Variants in CPAMD8 observed in about 807,000 individuals in gnomAD.
The protein encoded by CPAMD8 is C3 and PZP like alpha-2-macroglobulin domain containing 8, also known as C3 and PZP-like alpha-2-macroglobulin domain-containing protein 8.
CPAMD8 carries 146 observed loss-of-function variants against 224.7 expected under a neutral mutation model. That is an observed-to-expected ratio of 0.65 (90% CI 0.57 to 0.75). The LOEUF is 0.75. Ranked by LOEUF, CPAMD8 falls within the 30% of genes least tolerant of loss-of-function variation. The pLI is 0.00. For missense variants in CPAMD8, 2,301 were observed against 2,537.5 expected, an observed-to-expected ratio of 0.91 and a Z score of 2.00; for synonymous variants, 966 against 1,044.6, an observed-to-expected ratio of 0.92 and a Z score of 1.45.
rs745618653 is a variant in CPAMD8, at chr19:16,907,016, G to T, written c.3963C>A (p.Thr1321=). ...CAGGGGCTGCCGGGCTGCGGAGCAG[G>T]GTCAGCGCGTAGGTAGTCAGGGCAC... The part of the protein sequence containing the change: ...YSCALTTYAL[T]LLRSPAAPEA... The change falls in exon 30 of 42, where the codon ACC becomes ACA. Residue 1321 remains threonine (T), a synonymous_variant. Transcript: ENST00000443236. The T allele has an allele frequency of 3.7e-6, 6 of 1,607,592 alleles. No homozygotes were observed. The highest frequency in any genetic ancestry group is 5.1e-6 in the Non-Finnish European group (6 of 1,178,164).
Position 16,898,561 on chromosome 19 carries a change from A to G in CPAMD8, c.4849-567T>C, listed in dbSNP as rs2227371. 0.21 allele frequency among the ~76,000 whole-genome samples: 31,331 copies of G among 151,894 alleles called. 3,260 individuals carry two copies. Among genetic ancestry groups the G allele is most frequent in the South Asian group, 0.28 (1,329 of 4,804 alleles). Reference sequence around the variant, plus strand: ...AATCATCACCTCTGTCTAGTTACAGAACGGTTTCTTTCTCCCCCAAAGAAA... The same window carrying G: ...AATCATCACCTCTGTCTAGTTACAGGACGGTTTCTTTCTCCCCCAAAGAAA... On this transcript the variant is annotated intron_variant, in intron 37 of 41. Coordinates refer to ENST00000443236, the MANE Select transcript of CPAMD8 (RefSeq NM_015692.5). This position sits in a 1 kb window ranked among gnomAD's most constrained non-coding sequence, Gnocchi z 4.2.
intron 7 of CPAMD8, among the ~76,000 whole-genome samples, chr19:17,004,896 C>T (rs11086049): frequency 0.19 from 28,388 of 150,370 alleles, 3,122 homozygotes; most frequent in African/African-American, 0.31. Context: ...CCCCCAGATA[C>T]TGCCAATATC....
intron 3 of CPAMD8, among the ~76,000 whole-genome samples, chr19:17,019,170 CTGGAG>C: frequency 6.6e-6 from 1 of 152,258 alleles, no homozygotes; most frequent in Admixed American, 6.5e-5. Flanking sequence ...GTTGCCCAGG[CTGGAG>C]TGAAGTGGTG....
rs1281351460 is a variant in CPAMD8, at chr19:16,914,430, G to A, written c.3855C>T (p.Ala1285=). ...AAACCCCTTCTGTACTCACCTCTGA[G>A]GCTGTGCCTGTTTCCAGGAGAGCAA... ...VVVALLETGT[A]SEEERGSTDK... is the part of the protein sequence containing the mutation. Residue 1285 remains alanine (A), a synonymous_variant, in exon 29 of 42, where the codon GCC becomes GCT. Coordinates refer to ENST00000443236, the MANE Select transcript of CPAMD8 (RefSeq NM_015692.5). The A allele has an allele frequency of 2.5e-6, 4 of 1,614,026 alleles. No individual in the cohort carries two copies. The African/African-American group carries it at 5.3e-5, about 22-fold the overall frequency.
chr19:16,913,994 A>G (rs1336050993), intron 29 of CPAMD8, among the ~76,000 whole-genome samples: 2 of 152,122 alleles, frequency 1.3e-5, no homozygotes, highest in African/African-American at 4.8e-5. Flanking sequence ...AGCCCCATCC[A>G]GTACCAACTG....
chr19:16,907,307 C>CTTTTTTTTTT (rs71334641), intron 29 of CPAMD8, among the ~76,000 whole-genome samples, 190 bp from the exon 30 acceptor site: 6 of 81,078 alleles, frequency 7.4e-5, no homozygotes, highest in Non-Finnish European at 1.3e-4. Context: ...TCTTTCTTGC[C>CTTTTTTTTTT]TTTTTTTTTT....
intron 18 of CPAMD8, among the ~76,000 whole-genome samples, chr19:16,968,308 G>A (rs193014951): frequency 9.2e-5 from 14 of 152,244 alleles, no homozygotes; most frequent in Non-Finnish European, 1.5e-4. Flanking sequence ...CCTGCTAAAC[G>A]TGTGGCCCCA....
chr19:16,897,535 A>C, intron 39 of CPAMD8, 156 bp downstream of exon 39: 1 of 563,532 alleles, frequency 1.8e-6, no homozygotes, highest in Non-Finnish European at 3.1e-6. Context: ...TCCCCCGTAC[A>C]GGCAGAGCGC....
chr19:16,988,628 A>G (rs1007696489), intron 13 of CPAMD8, among the ~76,000 whole-genome samples: 1 of 152,082 alleles, frequency 6.6e-6, no homozygotes, highest in Non-Finnish European at 1.5e-5. Flanking sequence ...AACAAAAAAA[A>G]AAAGAAAGAA....
chr19:16,906,358 C>G (rs2052487355), intron 30 of CPAMD8, among the ~76,000 whole-genome samples: 1 of 37,586 alleles, frequency 2.7e-5, no homozygotes, highest in African/African-American at 9.4e-5. Flanking sequence ...TTCTTTCTTT[C>G]TTTCTTTCTT....
At chr19:16,902,601 C>T (rs1378268295) in intron 35 of CPAMD8, 48 bp downstream of exon 35, 4 of 1,243,416 alleles carry the variant, frequency 3.2e-6, no homozygotes, top group African/African-American at 1.5e-5. Flanking sequence ...CCTCTCCGCA[C>T]ATTGCACCCT....
chr19:16,910,093 C>A (rs981944119), intron 29 of CPAMD8, among the ~76,000 whole-genome samples: 1 of 152,032 alleles, frequency 6.6e-6, no homozygotes, highest in Non-Finnish European at 1.5e-5. Context: ...CCCATGTGAT[C>A]CACCTGCCTC....
In CPAMD8 at chr19:16,913,974, G is replaced by A. The variant is rs374186128; in HGVS notation, c.3861+450C>T. ...AGAGACTATGGCCCTCAAGTCTCTT[G>A]GGCCATCTAAGCCCCATCCAGTACC... On this transcript the variant is annotated intron_variant, in intron 29 of 41. Coordinates refer to ENST00000443236, the MANE Select transcript of CPAMD8 (RefSeq NM_015692.5). Among the ~76,000 whole-genome samples the A allele has an allele frequency of 5.8e-4, 88 of 152,142 alleles. 3 individuals carry two copies. In the South Asian group the frequency reaches 0.014, roughly 24 times the overall value.
intron 23 of CPAMD8, among the ~76,000 whole-genome samples, chr19:16,929,872 A>C (rs2053494413): frequency 6.6e-6 from 1 of 152,208 alleles, no homozygotes; most frequent in Admixed American, 6.5e-5. Flanking sequence ...GTTCTTCCCC[A>C]GATGGTTCTA....
intron 2 of CPAMD8, among the ~76,000 whole-genome samples, chr19:17,021,763 T>C (rs2123260974): frequency 6.6e-6 from 1 of 152,130 alleles, no homozygotes; most frequent in East Asian, 1.9e-4. Context: ...CACAGGTGGG[T>C]GCCCGTGCTC....
intron 16 of CPAMD8, among the ~76,000 whole-genome samples, chr19:16,975,524 T>C (rs1411434547): frequency 6.6e-6 from 1 of 151,926 alleles, no homozygotes; most frequent in Non-Finnish European, 1.5e-5. Flanking sequence ...CTGGGCAACA[T>C]AGCAAGACCC....
At chr19:16,990,622 T>C (rs1346444909) in intron 12 of CPAMD8, among the ~76,000 whole-genome samples, 2 of 151,904 alleles carry the variant, frequency 1.3e-5, no homozygotes, top group African/African-American at 4.8e-5. Context: ...CCCACCACTT[T>C]GGGAGGCCAA....
chr19:16,969,588 A>T (rs1313607992), intron 18 of CPAMD8, among the ~76,000 whole-genome samples: 1 of 152,150 alleles, frequency 6.6e-6, no homozygotes, highest in Non-Finnish European at 1.5e-5. Flanking sequence ...CCCTTATAAA[A>T]GGGACTCTAG....
Position 16,896,631 on chromosome 19 carries a change from G to A in CPAMD8, c.5100C>T (p.Ala1700=). The change falls in exon 40 of 42, where the codon GCC becomes GCT. Residue 1700 remains alanine, a synonymous_variant. Transcript: ENST00000443236. The part of the protein sequence containing the change: ...WFPGESGPAV[A]PEEGAAIARC... ...GCGCGATCGCCGCCCCCTCCTCAGGGGCCACGGCAGGGCCCGACTCGCCGG... is the reference window on the plus strand; with the variant it reads ...GCGCGATCGCCGCCCCCTCCTCAGGAGCCACGGCAGGGCCCGACTCGCCGG... 6.7e-7 allele frequency: 1 copy of A among 1,494,988 alleles called. No individual in the cohort carries two copies. The highest frequency in any genetic ancestry group is 2.1e-5 in the Admixed American group (1 of 47,192). The allele number at this position is 1,494,988 out of a possible 1,614,324, so 92.6% of individuals were successfully genotyped here.
Sources: gnomAD v4.1 joint callset for allele counts (sites outside exome capture counted in the v4.1 genomes callset) on GRCh38, gnomAD v4.1.1 for gene constraint, Gnocchi (gnomAD v3.1) non-coding constraint, MANE v1.5 for transcripts, NCBI Gene and HGNC (gene_info 2026-07-23, HGNC 2026-07-21) for gene names.